The following CUX2 variants were observed in gnomAD, a reference collection of about 807,000 sequenced individuals.
The protein encoded by CUX2 is homeobox protein cut-like 2.
CUX2 carries 40 observed loss-of-function variants against 144.8 expected under a neutral mutation model. That is an observed-to-expected ratio of 0.28 (90% CI 0.21 to 0.36). CUX2 has a LOEUF of 0.36. Among genes scored for constraint, CUX2 ranks in the 10% least tolerant of loss-of-function variants. The probability of loss-of-function intolerance (pLI) is 1.00; values close to 1 mark genes in which losing one functional copy is unlikely to be tolerated. For missense variants in CUX2, 1,615 were observed against 1,994.0 expected, an observed-to-expected ratio of 0.81 and a Z score of 3.62; for synonymous variants, 827 against 875.6, an observed-to-expected ratio of 0.94 and a Z score of 0.98.
At chr12:111,102,892 A>G (rs978985021) in intron 1 of CUX2, among the ~76,000 whole-genome samples, 8 of 152,164 alleles carry the variant, frequency 5.3e-5, no homozygotes, top group African/African-American at 1.9e-4. Flanking sequence ...TGTTATTACT[A>G]TTGTTACTAT....
At chr12:111,335,665 C>A (rs1175902468) in intron 19 of CUX2, among the ~76,000 whole-genome samples, 1 of 152,134 alleles carries the variant, frequency 6.6e-6, no homozygotes, top group Non-Finnish European at 1.5e-5. Flanking sequence ...CGAGATTGTA[C>A]CACTGCACTC....
At chr12:111,299,439 G>T (rs1886175874) in intron 9 of CUX2, among the ~76,000 whole-genome samples, 2 of 152,194 alleles carry the variant, frequency 1.3e-5, no homozygotes, top group African/African-American at 2.4e-5. Context: ...TCCTACAGAG[G>T]AGACTTGGAT....
chr12:111,049,014 C>T (rs908454542), intron 1 of CUX2, among the ~76,000 whole-genome samples: 3 of 152,122 alleles, frequency 2.0e-5, no homozygotes, highest in Non-Finnish European at 2.9e-5. Context: ...TAAATCTGCT[C>T]TCTCATCCAC....
intron 4 of CUX2, among the ~76,000 whole-genome samples, chr12:111,269,912 T>C (rs999239648): frequency 3.3e-5 from 5 of 152,164 alleles, no homozygotes; most frequent in African/African-American, 9.7e-5. Context: ...TCCCCAGCTG[T>C]CACCGACTTA....
rs564366137 is a variant in CUX2, at chr12:111,104,736, C to T, written c.63+70496C>T. Among the ~76,000 whole-genome samples, 8 of 152,264 alleles carry T rather than the reference C, an allele frequency of 5.3e-5. No homozygotes were observed. The East Asian group carries it at 5.8e-4, about 11-fold the overall frequency. On this transcript the variant is annotated intron_variant, in intron 1 of 21. Coordinates refer to ENST00000261726, the MANE Select transcript of CUX2 (RefSeq NM_015267.4). ...AGGCCAGAAGAGGGGTTTTAAAGTC[C>T]GTTCCTGGTTACCAGAGGAGGAAAC...
chr12:111,177,755 T>C (rs1475667439), intron 1 of CUX2, among the ~76,000 whole-genome samples: 1 of 152,242 alleles, frequency 6.6e-6, no homozygotes, highest in Non-Finnish European at 1.5e-5. Flanking sequence ...GAATGGAAGG[T>C]CAGTGGTCAT....
intron 1 of CUX2, among the ~76,000 whole-genome samples, chr12:111,087,350 G>C (rs1872286267): frequency 9.0e-6 from 1 of 110,964 alleles, no homozygotes; most frequent in Non-Finnish European, 1.7e-5. Flanking sequence ...TCTGGGCACA[G>C]AGTGGGACTC....
intron 16 of CUX2, among the ~76,000 whole-genome samples, chr12:111,316,800 T>C (rs1305085380): frequency 2.0e-5 from 3 of 152,086 alleles, no homozygotes; most frequent in Non-Finnish European, 4.4e-5. Context: ...GTATAGTCAG[T>C]GTTATGCAAC....
chr12:111,311,759 TG>T (rs1468784524), intron 15 of CUX2, among the ~76,000 whole-genome samples: 1 of 151,860 alleles, frequency 6.6e-6, no homozygotes, highest in Non-Finnish European at 1.5e-5. Flanking sequence ...CCACCATGCT[TG>T]GCTAATTTTG....
chr12:111,280,010 G>A lies in CUX2; in HGVS notation c.302-11408G>A, dbSNP rs553867285. ...ATAAACAAACAAACAAGGACCAGGC[G>A]CAGTGGCTCGTGCCTATAATCCCAG... On this transcript the variant is annotated intron_variant, in intron 4 of 21. Transcript: ENST00000261726. Among the ~76,000 whole-genome samples the A allele has an allele frequency of 2.1e-4, 32 of 151,914 alleles. No individual in the cohort carries two copies. The South Asian group carries it at 4.4e-3, about 21-fold the overall frequency.
intron 3 of CUX2, among the ~76,000 whole-genome samples, chr12:111,223,178 T>C (rs1881942405): frequency 6.6e-6 from 1 of 152,108 alleles, no homozygotes; most frequent in Admixed American, 6.5e-5. Context: ...GATCCAAAGA[T>C]GGTGAGACAC....
intron 4 of CUX2, among the ~76,000 whole-genome samples, chr12:111,269,932 G>A (rs549832035): frequency 4.8e-4 from 73 of 152,278 alleles, no homozygotes; most frequent in African/African-American, 1.7e-3. Context: ...AGAGAACAAG[G>A]AGCCTTAACT....
chr12:111,213,675 T>C (rs1175257284), intron 1 of CUX2, among the ~76,000 whole-genome samples: 1 of 152,202 alleles, frequency 6.6e-6, no homozygotes, highest in Non-Finnish European at 1.5e-5. Context: ...TAAAAAGCCA[T>C]CTATATCTTA....
intron 1 of CUX2, among the ~76,000 whole-genome samples, chr12:111,204,043 A>G (rs1880770115): frequency 6.6e-6 from 1 of 152,136 alleles, no homozygotes; most frequent in Non-Finnish European, 1.5e-5. Context: ...GGCACCTCCC[A>G]TAGCCTGGAA....
intron 1 of CUX2, among the ~76,000 whole-genome samples, chr12:111,117,912 A>G (rs973349961): frequency 6.6e-6 from 1 of 152,134 alleles, no homozygotes; most frequent in Non-Finnish European, 1.5e-5. Context: ...TTGATGAGAA[A>G]TCTCAGGCTC....
chr12:111,055,027 C>T (rs919164364), intron 1 of CUX2, among the ~76,000 whole-genome samples: 4 of 152,234 alleles, frequency 2.6e-5, no homozygotes, highest in Non-Finnish European at 4.4e-5. Flanking sequence ...GGCAGTCTGA[C>T]TCCACAGTCC....
chr12:111,214,975 C>G (rs1565853582), intron 2 of CUX2, among the ~76,000 whole-genome samples: 1 of 152,104 alleles, frequency 6.6e-6, no homozygotes, highest in Non-Finnish European at 1.5e-5. Context: ...TATTGCTTCT[C>G]AAATTACAAA....
intron 1 of CUX2, among the ~76,000 whole-genome samples, chr12:111,175,426 T>G (rs1412068388): frequency 6.6e-6 from 1 of 151,708 alleles, no homozygotes; most frequent in Admixed American, 6.6e-5. Context: ...AAACACATAT[T>G]TATGGGCAGA....
At chr12:111,252,756 G>A (rs1883622931) in intron 3 of CUX2, among the ~76,000 whole-genome samples, 1 of 150,428 alleles carries the variant, frequency 6.6e-6, no homozygotes, top group Non-Finnish European at 1.5e-5. Context: ...TGTCATAGCA[G>A]GAGCCATTGA....
Sources: gnomAD v4.1 joint callset for allele counts (sites outside exome capture counted in the v4.1 genomes callset) on GRCh38, gnomAD v4.1.1 for gene constraint, MANE v1.5 for transcripts, NCBI Gene and HGNC (gene_info 2026-07-23, HGNC 2026-07-21) for gene names.